PRDM5: variants seen among roughly 807,000 people sequenced by gnomAD.
PRDM5 encodes PR/SET domain 5.
PRDM5 carries 56 observed loss-of-function variants against 81.2 expected under a neutral mutation model. The ratio of observed to expected loss-of-function variants is 0.69; its 90% CI spans 0.56 to 0.86. PRDM5 has a LOEUF of 0.86. Among genes scored for constraint, PRDM5 ranks in the 40% least tolerant of loss-of-function variants. The probability of loss-of-function intolerance (pLI) is 0.00; values close to 1 mark genes in which losing one functional copy is unlikely to be tolerated. For synonymous variants in PRDM5, 267 were observed against 256.4 expected, an observed-to-expected ratio of 1.04 and a Z score of -0.39; for missense variants, 697 against 770.1, an observed-to-expected ratio of 0.91 and a Z score of 1.12.
chr4:120,747,478 G>T (rs1210334822), intron 14 of PRDM5, among the ~76,000 whole-genome samples: 2 of 151,618 alleles, frequency 1.3e-5, no homozygotes, highest in Non-Finnish European at 2.9e-5. Context: ...TAAATTTTTG[G>T]GGGGATAATT....
At chr4:120,688,005 A>C (rs1733900383), downstream of PRDM5, among the ~76,000 whole-genome samples, 1 of 152,190 alleles carries the variant, frequency 6.6e-6, no homozygotes, top group Non-Finnish European at 1.5e-5. Context: ...AGTAACAAGA[A>C]GTGGGTTTGC....
At chr4:120,758,667 A>G (rs982261937) in intron 13 of PRDM5, among the ~76,000 whole-genome samples, 1 of 152,144 alleles carries the variant, frequency 6.6e-6, no homozygotes, top group Non-Finnish European at 1.5e-5. Context: ...TACAGCCTCC[A>G]GAACTGAGAG....
intron 13 of PRDM5, among the ~76,000 whole-genome samples, 175 bp downstream of exon 13, chr4:120,777,013 C>A (rs1748250205): frequency 6.6e-6 from 1 of 152,126 alleles, no homozygotes; most frequent in South Asian, 2.1e-4. Flanking sequence ...AAAATATACT[C>A]ATTCCAAATT....
chr4:120,828,649 T>C (rs1756335469), intron 3 of PRDM5, among the ~76,000 whole-genome samples: 1 of 152,116 alleles, frequency 6.6e-6, no homozygotes, highest in Non-Finnish European at 1.5e-5. Flanking sequence ...TTCTCTTTAC[T>C]TCAGTGACTT....
At chr4:120,870,935 T>A (rs145681300) in intron 2 of PRDM5, among the ~76,000 whole-genome samples, 239 of 152,260 alleles carry the variant, frequency 1.6e-3, no homozygotes, top group African/African-American at 5.5e-3. Context: ...TGGAACTATG[T>A]TTTGTCTACC....
At chr4:120,874,667 A>C (rs527811710) in intron 2 of PRDM5, among the ~76,000 whole-genome samples, 27 of 152,356 alleles carry the variant, frequency 1.8e-4, no homozygotes, top group Non-Finnish European at 2.9e-4. Flanking sequence ...GATTAGGACA[A>C]GATTGATTAC....
At chr4:120,909,492 C>T (rs368920484) in intron 1 of PRDM5, among the ~76,000 whole-genome samples, 96 of 152,220 alleles carry the variant, frequency 6.3e-4, no homozygotes, top group African/African-American at 2.2e-3. Flanking sequence ...GTTCCATTTT[C>T]GGTCCACTCT....
chr4:120,884,030 C>A (rs1763137124), intron 2 of PRDM5, among the ~76,000 whole-genome samples: 1 of 152,140 alleles, frequency 6.6e-6, no homozygotes, highest in African/African-American at 2.4e-5. Flanking sequence ...GAAAAATTCA[C>A]AAATGCCCCC....
Position 120,744,392 on chromosome 4 carries a change from C to A in PRDM5, c.1623+10161G>T, listed in dbSNP as rs570860600. Among the ~76,000 whole-genome samples the A allele has an allele frequency of 3.9e-5, 6 of 152,216 alleles. No individual in the cohort carries two copies. In the South Asian group the frequency reaches 1.2e-3, roughly 32 times the overall value. On this transcript the variant is annotated intron_variant, in intron 14 of 15. Coordinates refer to ENST00000264808, the MANE Select transcript of PRDM5 (RefSeq NM_018699.4). Reference sequence around the variant, plus strand: ...AGAACTAGAAAAGCAAGAGCAAACACACTCAAAAGCTAGCAGGAGGCAACA... The same window carrying A: ...AGAACTAGAAAAGCAAGAGCAAACAAACTCAAAAGCTAGCAGGAGGCAACA...
At chr4:120,842,969 C>T (rs1349230218) in intron 3 of PRDM5, among the ~76,000 whole-genome samples, 1 of 152,192 alleles carries the variant, frequency 6.6e-6, no homozygotes, top group Non-Finnish European at 1.5e-5. Flanking sequence ...ACACAACTTT[C>T]TAATATCCAG....
At chr4:120,788,614 C>T (rs13130720) in intron 10 of PRDM5, among the ~76,000 whole-genome samples, 82 of 152,310 alleles carry the variant, frequency 5.4e-4, no homozygotes, top group African/African-American at 1.9e-3. Flanking sequence ...TTCATTTTTT[C>T]TCTTTCCAAA....
intron 8 of PRDM5, among the ~76,000 whole-genome samples, chr4:120,801,995 T>A (rs1342571444): frequency 6.6e-6 from 1 of 152,186 alleles, no homozygotes; most frequent in African/African-American, 2.4e-5. Flanking sequence ...TATTGATATA[T>A]AAAATTATAA....
At chr4:120,882,403 C>T (rs1260521981) in intron 2 of PRDM5, among the ~76,000 whole-genome samples, 2 of 152,156 alleles carry the variant, frequency 1.3e-5, no homozygotes, top group South Asian at 4.1e-4. Flanking sequence ...ATGCCTCGGC[C>T]TCCCAAAGTG....
intron 14 of PRDM5, among the ~76,000 whole-genome samples, chr4:120,720,975 T>C (rs28611362): frequency 0.032 from 4,903 of 152,286 alleles, 262 homozygotes; most frequent in African/African-American, 0.11. Context: ...AAGTGTTGCA[T>C]ACAGTCTTTA....
chr4:120,918,635 ATTTTTT>A (rs534148936), intron 1 of PRDM5, among the ~76,000 whole-genome samples: 1 of 110,736 alleles, frequency 9.0e-6, no homozygotes, highest in East Asian at 2.6e-4. Flanking sequence ...TACGTCAGGT[ATTTTTT>A]TTTTTTTTTT....
chr4:120,706,873 C>A (rs71600495), intron 15 of PRDM5, among the ~76,000 whole-genome samples: 32,807 of 150,190 alleles, frequency 0.22, 3,852 homozygotes, highest in Non-Finnish European at 0.28. Flanking sequence ...CCAAAACTGA[C>A]CCATGAAGAA....
chr4:120,864,748 G>A (rs1250692971), intron 2 of PRDM5, among the ~76,000 whole-genome samples: 1 of 152,164 alleles, frequency 6.6e-6, no homozygotes, highest in Non-Finnish European at 1.5e-5. Context: ...AAATTGATCT[G>A]TACTTGTTCC....
chr4:120,716,804 T>A (rs923267421), intron 14 of PRDM5, among the ~76,000 whole-genome samples: 23 of 152,098 alleles, frequency 1.5e-4, no homozygotes. Context: ...AGCCAAGAGG[T>A]CATAGGCCAC....
At chr4:120,863,766 C>T (rs573264905) in intron 2 of PRDM5, among the ~76,000 whole-genome samples, 1 of 152,180 alleles carries the variant, frequency 6.6e-6, no homozygotes, top group Admixed American at 6.5e-5. Context: ...GGCTTCAGAA[C>T]GTAAGTTTTG....
Sources: gnomAD v4.1 joint callset for allele counts (sites outside exome capture counted in the v4.1 genomes callset) on GRCh38, gnomAD v4.1.1 for gene constraint, MANE v1.5 for transcripts, NCBI Gene and HGNC (gene_info 2026-07-23, HGNC 2026-07-21) for gene names.